Variants in ACSBG1 observed in about 807,000 individuals in gnomAD.
ACSBG1 encodes acyl-CoA synthetase bubblegum family member 1, also known as long-chain-fatty-acid--CoA ligase ACSBG1.
In ACSBG1, 39 loss-of-function variants were observed where a neutral mutation model predicts 80.2. The ratio of observed to expected loss-of-function variants is 0.49; its 90% CI spans 0.38 to 0.64. The LOEUF is 0.64. Among genes scored for constraint, ACSBG1 ranks in the 30% least tolerant of loss-of-function variants. The pLI, the probability that ACSBG1 is intolerant of heterozygous loss-of-function variation, is 0.00. For synonymous variants in ACSBG1, 392 were observed against 379.5 expected (o/e 1.03, Z -0.38); for missense variants, 828 against 966.4 (o/e 0.86, Z 1.90).
chr15:78,186,041 AC>A (rs2075000621), intron 5 of ACSBG1, among the ~76,000 whole-genome samples: 1 of 152,152 alleles, frequency 6.6e-6, no homozygotes, highest in African/African-American at 2.4e-5. Flanking sequence ...TTTGTAGGTC[AC>A]TCAGGACTTG....
chr15:78,211,632 C>T (rs192023045), intron 1 of ACSBG1, among the ~76,000 whole-genome samples: 33 of 152,284 alleles, frequency 2.2e-4, no homozygotes, highest in African/African-American at 7.9e-4. Flanking sequence ...AAACAAAGGG[C>T]GTGTTTGAGC....
intron 1 of ACSBG1, among the ~76,000 whole-genome samples, chr15:78,211,355 T>C (rs948226736): frequency 5.9e-5 from 9 of 152,324 alleles, no homozygotes; most frequent in East Asian, 3.9e-4. Flanking sequence ...ACTCCAGAGG[T>C]TGGCGGAAGT....
intron 1 of ACSBG1, among the ~76,000 whole-genome samples, chr15:78,209,643 G>A (rs973044763): frequency 5.3e-5 from 8 of 152,126 alleles, no homozygotes; most frequent in Non-Finnish European, 1.0e-4. Flanking sequence ...GCAAACGAGG[G>A]ACACGTACAC....
intron 2 of ACSBG1, among the ~76,000 whole-genome samples, chr15:78,204,557 A>G (rs1232963367): frequency 2.6e-5 from 4 of 152,118 alleles, no homozygotes; most frequent in Non-Finnish European, 5.9e-5. Context: ...CCCTGCGGAA[A>G]ATGTTTCTCT....
intron 11 of ACSBG1, among the ~76,000 whole-genome samples, chr15:78,175,172 AC>A (rs1382920574): frequency 6.6e-6 from 1 of 152,150 alleles, no homozygotes; most frequent in East Asian, 1.9e-4. Flanking sequence ...CTTCTGTCCA[AC>A]AGACTGCCAG....
intron 8 of ACSBG1, among the ~76,000 whole-genome samples, chr15:78,181,446 C>T (rs796761276): frequency 1.3e-5 from 2 of 151,598 alleles, no homozygotes; most frequent in African/African-American, 4.9e-5. Flanking sequence ...TCACAAGTCC[C>T]GCGAACCACT....
At chr15:78,228,514 G>A (rs191744367) in intron 1 of ACSBG1, among the ~76,000 whole-genome samples, 2 of 152,304 alleles carry the variant, frequency 1.3e-5, no homozygotes, top group Admixed American at 1.3e-4. Context: ...CCTGACTTCA[G>A]GTCAGTTTGA....
At chr15:78,190,217 TG>T in intron 5 of ACSBG1, among the ~76,000 whole-genome samples, 1 of 125,914 alleles carries the variant, frequency 7.9e-6, no homozygotes, top group East Asian at 2.4e-4. Context: ...GAGATGAGCC[TG>T]GGCAACATAG....
intron 1 of ACSBG1, among the ~76,000 whole-genome samples, chr15:78,229,463 C>G (rs1487015847): frequency 1.3e-5 from 2 of 152,188 alleles, no homozygotes; most frequent in African/African-American, 4.8e-5. Context: ...TAGCACACCC[C>G]AGAGAGGCAG....
chr15:78,211,891 G>A (rs1307422879), intron 1 of ACSBG1, among the ~76,000 whole-genome samples: 1 of 152,130 alleles, frequency 6.6e-6, no homozygotes, highest in Non-Finnish European at 1.5e-5. Context: ...GGCTTTGATG[G>A]TCACACATGG....
chr15:78,181,490 T>C (rs911282176), intron 8 of ACSBG1, among the ~76,000 whole-genome samples: 1 of 46,948 alleles, frequency 2.1e-5, no homozygotes, highest in Non-Finnish European at 5.8e-5. Context: ...ATCAGGTTTC[T>C]TTTTTTTTTT....
rs539428836 is a variant in ACSBG1 at position 78,234,531 on chromosome 15, A to G, written c.-30T>C. ...CTCGGGCTTCCACTGAAGACAGCTC[A>G]GTCACCCACTGAGAGAGGCTAGCCT... On this transcript the variant is annotated 5_prime_UTR_variant, in exon 1 of 14. Transcript: ENST00000258873. 131 of 1,531,096 alleles carry G rather than the reference A, an allele frequency of 8.6e-5. No homozygotes were observed. The South Asian group carries it at 1.4e-3, about 16-fold the overall frequency. The allele number at this position is 1,531,096 out of a possible 1,614,324, so 94.8% of individuals were successfully genotyped here. A position where few individuals can be genotyped will look rare whatever the true frequency, so the allele number is the denominator to read the frequency against.
At chr15:78,218,793 AC>A (rs2075333857) in intron 1 of ACSBG1, among the ~76,000 whole-genome samples, 1 of 39,232 alleles carries the variant, frequency 2.5e-5, no homozygotes, top group African/African-American at 9.7e-5. Flanking sequence ...TTTTTTTGAG[AC>A]GGAGTATCGC....
chr15:78,229,995 A>G (rs1236115803), intron 1 of ACSBG1, among the ~76,000 whole-genome samples: 1 of 152,182 alleles, frequency 6.6e-6, no homozygotes, highest in African/African-American at 2.4e-5. Flanking sequence ...GGGCATCCAC[A>G]GCCTTTCAAA....
Position 78,184,988 on chromosome 15 carries a change from C to T in ACSBG1, c.664-2203G>A, listed in dbSNP as rs1280978477. Among the ~76,000 whole-genome samples the T allele has an allele frequency of 2.0e-5, 3 of 146,780 alleles. No individual in the cohort carries two copies. In the Admixed American group the frequency reaches 2.1e-4, roughly 10 times the overall value. On this transcript the variant is annotated intron_variant, in intron 5 of 13. Coordinates refer to ENST00000258873, the MANE Select transcript of ACSBG1 (RefSeq NM_015162.5). ...TTTCTGCCCAGGGGCAATTTTTGAG[C>T]TATGGGAGAGACAGACAGAGGGAGA...
chr15:78,185,899 T>A (rs573802007), intron 5 of ACSBG1, among the ~76,000 whole-genome samples: 2 of 151,750 alleles, frequency 1.3e-5, no homozygotes, highest in Admixed American at 6.6e-5. Context: ...AACCCATAAA[T>A]CTAAATCAGA....
intron 1 of ACSBG1, among the ~76,000 whole-genome samples, chr15:78,233,561 T>C (rs1213116239): frequency 6.6e-6 from 1 of 152,226 alleles, no homozygotes; most frequent in Non-Finnish European, 1.5e-5. Flanking sequence ...CTCTGCCCAC[T>C]GCTCTTGGCT....
chr15:78,206,689 C>T (rs945405378), intron 2 of ACSBG1, among the ~76,000 whole-genome samples: 1 of 152,192 alleles, frequency 6.6e-6, no homozygotes, highest in Non-Finnish European at 1.5e-5. Flanking sequence ...TCTGAAGGGA[C>T]CCTCTCTGGG....
chr15:78,180,407 G>A (rs62009344), intron 9 of ACSBG1, among the ~76,000 whole-genome samples: 8,600 of 152,258 alleles, frequency 0.056, 280 homozygotes, highest in South Asian at 0.18. Flanking sequence ...TGAAAAGGCC[G>A]GAAAGGCTAA....
Sources: gnomAD v4.1 joint callset for allele counts (sites outside exome capture counted in the v4.1 genomes callset) on GRCh38, gnomAD v4.1.1 for gene constraint, MANE v1.5 for transcripts, NCBI Gene and HGNC (gene_info 2026-07-23, HGNC 2026-07-21) for gene names.